The following MGAT4C variants were observed in gnomAD, a reference collection of about 807,000 sequenced individuals.
The protein encoded by MGAT4C is MGAT4 family member C.
Under a neutral mutation model 40.1 loss-of-function variants are expected in MGAT4C, and 19 were observed. That is an observed-to-expected ratio of 0.47 (90% confidence interval 0.33 to 0.70). The LOEUF is 0.70. MGAT4C is among the 30% of genes least tolerant of loss of function. The pLI is 0.02. For synonymous variants in MGAT4C, 181 were observed against 187.1 expected (o/e 0.97, Z 0.27); for missense variants, 491 against 563.2 (o/e 0.87, Z 1.30).
intron 1 of MGAT4C, among the ~76,000 whole-genome samples, chr12:86,237,634 A>G (rs1284215703): frequency 6.6e-6 from 1 of 151,870 alleles, no homozygotes. Context: ...AAGCAGAGAG[A>G]TAATGTCATA....
At chr12:86,315,093 C>T (rs1039655709) in intron 4 of MGAT4C, among the ~76,000 whole-genome samples, 5 of 151,848 alleles carry the variant, frequency 3.3e-5, no homozygotes, top group Admixed American at 3.3e-4. Context: ...AGAGGACTCA[C>T]ATTATACTAC....
chr12:86,129,076 T>A (rs1880774357), intron 1 of MGAT4C, among the ~76,000 whole-genome samples: 1 of 152,184 alleles, frequency 6.6e-6, no homozygotes, highest in African/African-American at 2.4e-5. Context: ...ATATGCTGAC[T>A]GACTTTGGTG....
At chr12:86,594,276 T>C (rs1961444751) in intron 2 of MGAT4C, among the ~76,000 whole-genome samples, 3 of 152,168 alleles carry the variant, frequency 2.0e-5, no homozygotes. Context: ...CCATATAGTG[T>C]CTGTATCAGT....
chr12:86,799,002 C>T (rs892563406), intron 1 of MGAT4C, among the ~76,000 whole-genome samples: 7 of 151,752 alleles, frequency 4.6e-5, no homozygotes, highest in African/African-American at 1.7e-4. Context: ...TTTAATTTGC[C>T]TTCTAGCATC....
chr12:86,765,273 A>C (rs1023230191), intron 1 of MGAT4C, among the ~76,000 whole-genome samples: 4 of 152,236 alleles, frequency 2.6e-5, no homozygotes, highest in Admixed American at 6.5e-5. Context: ...CCAGTGATGT[A>C]AGATCAAATG....
chr12:86,008,743 C>T (rs1888153384), intron 2 of MGAT4C, among the ~76,000 whole-genome samples: 1 of 152,080 alleles, frequency 6.6e-6, no homozygotes, highest in South Asian at 2.1e-4. Context: ...TTGTAGTTTT[C>T]TTACAGATGC....
chr12:85,974,932 A>G lies in MGAT4C; in HGVS notation c.*4357T>C, dbSNP rs1220694196. 1 of 150,536 alleles carries G rather than the reference A, an allele frequency of 6.6e-6. No homozygotes were observed. The highest frequency in any genetic ancestry group is 1.5e-5 in the Non-Finnish European group (1 of 66,892). The allele number at this position is 150,536 out of a possible 1,614,324, so 9.3% of individuals were successfully genotyped here. On this transcript the variant is annotated 3_prime_UTR_variant, in exon 5 of 5. Transcript: ENST00000611864. ...AGATGCCAGAGAACCGGATCCTGAC[A>G]TTAAAAAAAAAAAGTAAAAAGATTC...
chr12:86,824,988 A>C (rs946906145), intron 1 of MGAT4C, among the ~76,000 whole-genome samples: 3 of 151,384 alleles, frequency 2.0e-5, no homozygotes, highest in Non-Finnish European at 3.0e-5. Flanking sequence ...AAATATTTTC[A>C]TGAACTGTTT....
chr12:86,448,819 T>C (rs544393404), intron 2 of MGAT4C, among the ~76,000 whole-genome samples: 1 of 152,344 alleles, frequency 6.6e-6, no homozygotes, highest in East Asian at 1.9e-4. Context: ...CTGAGTCTAA[T>C]ATAATGAATG....
intron 2 of MGAT4C, among the ~76,000 whole-genome samples, chr12:86,693,238 C>G (rs1430594205): frequency 6.6e-6 from 1 of 152,148 alleles, no homozygotes; most frequent in East Asian, 1.9e-4. Context: ...CCATTTTATT[C>G]TAAAAATATG....
chr12:86,002,800 A>G (rs1443973567), intron 2 of MGAT4C, among the ~76,000 whole-genome samples: 4 of 151,614 alleles, frequency 2.6e-5, no homozygotes, highest in Non-Finnish European at 5.9e-5. Flanking sequence ...ATTACTTAGT[A>G]CTTTCTTTTT....
intron 2 of MGAT4C, among the ~76,000 whole-genome samples, chr12:86,537,255 A>C (rs981297454): frequency 1.3e-5 from 2 of 152,114 alleles, no homozygotes; most frequent in African/African-American, 4.8e-5. Context: ...TAGCATTAGG[A>C]GATACACCTA....
chr12:86,332,269 T>C (rs973505861), intron 4 of MGAT4C, among the ~76,000 whole-genome samples: 22 of 152,208 alleles, frequency 1.4e-4, no homozygotes, highest in African/African-American at 5.3e-4. Flanking sequence ...AACTGCCACT[T>C]TGCCATTTAT....
chr12:86,085,271 C>T (rs985816662), intron 1 of MGAT4C, among the ~76,000 whole-genome samples: 2 of 151,934 alleles, frequency 1.3e-5, no homozygotes, highest in Admixed American at 6.6e-5. Flanking sequence ...GTCATGAAGT[C>T]CTTACCCATG....
intron 2 of MGAT4C, among the ~76,000 whole-genome samples, chr12:86,604,970 C>T (rs1364007513): frequency 6.6e-6 from 1 of 152,006 alleles, no homozygotes; most frequent in Non-Finnish European, 1.5e-5. Context: ...TTGGGAATTC[C>T]TTTCAAAGAC....
intron 2 of MGAT4C, among the ~76,000 whole-genome samples, chr12:86,514,714 T>C (rs1235411739): frequency 6.6e-6 from 1 of 152,234 alleles, no homozygotes; most frequent in Non-Finnish European, 1.5e-5. Flanking sequence ...CTGATGAGCA[T>C]TCTTAATTCT....
intron 2 of MGAT4C, among the ~76,000 whole-genome samples, chr12:86,554,175 C>A (rs1445239718): frequency 6.6e-6 from 1 of 151,534 alleles, no homozygotes; most frequent in Non-Finnish European, 1.5e-5. Context: ...CAGGCACTCT[C>A]ATGTCCCTTT....
chr12:86,296,423 G>C (rs937937349), intron 4 of MGAT4C, among the ~76,000 whole-genome samples: 1 of 99,652 alleles, frequency 1.0e-5, no homozygotes, highest in Admixed American at 1.1e-4. Context: ...CCCTTGGGCG[G>C]TCGATGGGAC....
At chr12:86,769,100 C>T (rs1392762481) in intron 1 of MGAT4C, among the ~76,000 whole-genome samples, 6 of 152,030 alleles carry the variant, frequency 3.9e-5, no homozygotes, top group East Asian at 3.9e-4. Flanking sequence ...AATGGGAGAA[C>T]ATTTCTGCAA....
Sources: gnomAD v4.1 joint callset for allele counts (sites outside exome capture counted in the v4.1 genomes callset) on GRCh38, gnomAD v4.1.1 for gene constraint, MANE v1.5 for transcripts, NCBI Gene and HGNC (gene_info 2026-07-23, HGNC 2026-07-21) for gene names.